Variants in LRIG1 observed in about 807,000 individuals in gnomAD.
LRIG1 encodes the protein leucine rich repeats and immunoglobulin like domains 1, also known as leucine-rich repeats and immunoglobulin-like domains protein 1.
A neutral mutation model predicts 99.2 loss-of-function variants in LRIG1; 48 were observed. That is an observed-to-expected ratio of 0.48 (90% CI 0.38 to 0.62). The LOEUF (loss-of-function observed/expected upper bound fraction) is 0.62, where lower values mean the gene tolerates loss of function less well. Ranked by LOEUF, LRIG1 falls within the 20% of genes least tolerant of loss-of-function variation. LRIG1 has a pLI of 0.00. For synonymous variants in LRIG1, 772 were observed against 596.1 expected (o/e 1.29, Z -4.30); for missense variants, 1,646 against 1,434.4 (o/e 1.15, Z -2.38).
intron 6 of LRIG1, among the ~76,000 whole-genome samples, chr3:66,410,811 A>C (rs1702439700): frequency 6.6e-6 from 1 of 152,244 alleles, no homozygotes. Context: ...ACACATGAGG[A>C]ATGTGCTGCT....
At chr3:66,409,096 AAG>A (rs1446362867) in intron 7 of LRIG1, among the ~76,000 whole-genome samples, 1 of 152,104 alleles carries the variant, frequency 6.6e-6, no homozygotes, top group East Asian at 1.9e-4. Flanking sequence ...TGGTGAGGTC[AAG>A]AGAGAGACAG....
rs115895834 is a variant in LRIG1, at chr3:66,395,627, C to T, written c.1305-1424G>A. On this transcript the variant is annotated intron_variant, in intron 11 of 18. Transcript: ENST00000273261. Reference sequence around the variant, plus strand: ...CATGAGAGTTTGCATTTTTATTTCACGGGCAGGTAGCGTTCTGCTGAGAGC... The same window carrying T: ...CATGAGAGTTTGCATTTTTATTTCATGGGCAGGTAGCGTTCTGCTGAGAGC... 5.8e-3 allele frequency among the ~76,000 whole-genome samples: 890 copies of T among 152,320 alleles called. 5 individuals are homozygous for T. Among genetic ancestry groups the T allele is most frequent in the African/African-American group, 0.021 (861 of 41,556 alleles).
intron 2 of LRIG1, among the ~76,000 whole-genome samples, chr3:66,453,661 G>C (rs1358905381): frequency 6.6e-6 from 1 of 151,996 alleles, no homozygotes; most frequent in Non-Finnish European, 1.5e-5. Context: ...ACTCATCTAG[G>C]GTCATGCTAC....
chr3:66,429,283 A>G lies in LRIG1; in HGVS notation c.366-12017T>C, dbSNP rs1056745128. 5.9e-5 allele frequency among the ~76,000 whole-genome samples: 9 copies of G among 152,306 alleles called. No homozygotes were observed. The East Asian group carries it at 1.7e-3, about 29-fold the overall frequency. On this transcript the variant is annotated intron_variant, in intron 3 of 18. Coordinates refer to ENST00000273261, the MANE Select transcript of LRIG1 (RefSeq NM_015541.3). The stretch of plus-strand genomic sequence containing the variant: ...CTGAAAGCCCCGGATCCCTGAAACG[A>G]AAAAATCTAGGTACGATCAACAGCT...
intron 3 of LRIG1, among the ~76,000 whole-genome samples, chr3:66,443,369 GGT>G (rs1559802026): frequency 2.7e-5 from 4 of 147,900 alleles, no homozygotes; most frequent in African/African-American, 1.0e-4. Context: ...TGAGTGAGGG[GGT>G]GTGTGTGTGC....
chr3:66,428,123 GTGCATGTCTGCA>G (rs1703041893), intron 3 of LRIG1, among the ~76,000 whole-genome samples: 1 of 152,178 alleles, frequency 6.6e-6, no homozygotes, highest in African/African-American at 2.4e-5. Flanking sequence ...TTGCTTTCTG[GTGCATGTCTGCA>G]TGCATTTTTG....
intron 12 of LRIG1, among the ~76,000 whole-genome samples, chr3:66,393,453 G>A (rs946894161): frequency 2.6e-5 from 4 of 152,208 alleles, no homozygotes; most frequent in African/African-American, 4.8e-5. Context: ...AGCATTTTCT[G>A]TGCTCTCTGC....
At chr3:66,436,332 A>C (rs748549532) in intron 3 of LRIG1, among the ~76,000 whole-genome samples, 9 of 152,222 alleles carry the variant, frequency 5.9e-5, no homozygotes, top group Non-Finnish European at 1.0e-4. Flanking sequence ...TGCTGGGTGC[A>C]GGCAAGCTCA....
intron 12 of LRIG1, among the ~76,000 whole-genome samples, chr3:66,389,487 G>T (rs573532943): frequency 2.0e-5 from 3 of 152,258 alleles, no homozygotes; most frequent in Admixed American, 1.3e-4. Flanking sequence ...TGGATTCAAA[G>T]ATACAAATAA....
At chr3:66,483,827 C>G (rs1700906000) in intron 1 of LRIG1, among the ~76,000 whole-genome samples, 1 of 152,220 alleles carries the variant, frequency 6.6e-6, no homozygotes. Flanking sequence ...AAACGCAACA[C>G]AGAGGAGAGC....
intron 6 of LRIG1, 52 bp from the exon 7 acceptor site, chr3:66,410,324 GGACA>G (rs1447199878): frequency 6.5e-7 from 1 of 1,539,220 alleles, no homozygotes; most frequent in African/African-American, 1.4e-5. Flanking sequence ...TCCCTTCACT[GGACA>G]GACAGCAAAT....
At chr3:66,388,968 G>T (rs2107951285) in intron 12 of LRIG1, among the ~76,000 whole-genome samples, 1 of 152,078 alleles carries the variant, frequency 6.6e-6, no homozygotes, top group Non-Finnish European at 1.5e-5. Flanking sequence ...ACAACACACA[G>T]GATACGTGTA....
chr3:66,386,409 G>T, intron 12 of LRIG1, 108 bp from the exon 13 acceptor site: 1 of 921,092 alleles, frequency 1.1e-6, no homozygotes, highest in Non-Finnish European at 1.7e-6. Context: ...AGGAACCAGA[G>T]CTTGAGGTCC....
chr3:66,468,352 C>T (rs1266242502), intron 1 of LRIG1, among the ~76,000 whole-genome samples: 1 of 152,166 alleles, frequency 6.6e-6, no homozygotes, highest in Non-Finnish European at 1.5e-5. Context: ...AGGAGCGCAA[C>T]CCATGGCTCC....
At chr3:66,451,745 T>A in intron 2 of LRIG1, 112 bp from the exon 3 acceptor site, 1 of 742,704 alleles carries the variant, frequency 1.3e-6, no homozygotes, top group Non-Finnish European at 2.2e-6. Context: ...AAACCTATAT[T>A]CTAATGTTGG....
chr3:66,455,649 T>C (rs564365609), intron 2 of LRIG1, among the ~76,000 whole-genome samples: 5 of 152,340 alleles, frequency 3.3e-5, no homozygotes, highest in Non-Finnish European at 7.3e-5. Context: ...GTAGTCAAAG[T>C]TGGGCAGTGC....
chr3:66,491,926 T>C (rs1701110028), intron 1 of LRIG1, among the ~76,000 whole-genome samples: 1 of 152,226 alleles, frequency 6.6e-6, no homozygotes, highest in African/African-American at 2.4e-5. Flanking sequence ...AGAAGTGAGT[T>C]AGTTTATTTA....
intron 3 of LRIG1, among the ~76,000 whole-genome samples, chr3:66,422,430 C>T (rs1372348697): frequency 6.6e-6 from 1 of 152,184 alleles, no homozygotes; most frequent in African/African-American, 2.4e-5. Flanking sequence ...CTCTCAAGTT[C>T]AAAGTTCCAC....
chr3:66,455,069 C>T (rs769283425), intron 2 of LRIG1, among the ~76,000 whole-genome samples: 7 of 152,096 alleles, frequency 4.6e-5, no homozygotes, highest in South Asian at 2.1e-4. Context: ...CTCAGCCTCC[C>T]GAGTAGCTGG....
Sources: gnomAD v4.1 joint callset for allele counts (sites outside exome capture counted in the v4.1 genomes callset) on GRCh38, gnomAD v4.1.1 for gene constraint, MANE v1.5 for transcripts, NCBI Gene and HGNC (gene_info 2026-07-23, HGNC 2026-07-21) for gene names.